Variants in ZFAT observed in about 807,000 individuals in gnomAD.
ZFAT encodes the protein zinc finger and AT-hook domain containing.
A neutral mutation model predicts 117.7 loss-of-function variants in ZFAT; 64 were observed. That is an observed-to-expected ratio of 0.54 (90% CI 0.44 to 0.67). The LOEUF is 0.67. Among genes scored for constraint, ZFAT ranks in the 30% least tolerant of loss-of-function variants. The pLI is 0.00. For synonymous variants in ZFAT, 679 were observed against 615.0 expected, an observed-to-expected ratio of 1.10 and a Z score of -1.54; for missense variants, 1,433 against 1,584.5, an observed-to-expected ratio of 0.90 and a Z score of 1.62.
At chr8:134,607,041 A>G (rs539941232) in intron 5 of ZFAT, among the ~76,000 whole-genome samples, 3 of 152,324 alleles carry the variant, frequency 2.0e-5, no homozygotes, top group Non-Finnish European at 2.9e-5. Context: ...GTTATCTTAT[A>G]ATTTGCACAA....
At chr8:134,571,506 C>A (rs1824899306) in intron 10 of ZFAT, among the ~76,000 whole-genome samples, 1 of 152,208 alleles carries the variant, frequency 6.6e-6, no homozygotes. Context: ...TCAGCTGCAA[C>A]CAAGAGTCCA....
chr8:134,652,834 A>G (rs949449030), intron 2 of ZFAT, among the ~76,000 whole-genome samples: 22 of 152,236 alleles, frequency 1.4e-4, no homozygotes, highest in Non-Finnish European at 2.2e-4. Flanking sequence ...ATATAAATGG[A>G]TAAAACCTTT....
At chr8:134,543,887 C>G (rs182358763) in intron 11 of ZFAT, among the ~76,000 whole-genome samples, 25 of 152,244 alleles carry the variant, frequency 1.6e-4, no homozygotes, top group Non-Finnish European at 3.4e-4. Flanking sequence ...TAAAACAATG[C>G]CCCCTCTTAT....
At chr8:134,740,554 GT>G in the ZFAT span, among the ~76,000 whole-genome samples, 21 of 151,422 alleles carry the variant, frequency 1.4e-4, no homozygotes, top group Admixed American at 1.1e-3. Flanking sequence ...TCTTACGCAT[GT>G]TTTTTTTTCT....
intron 15 of ZFAT, among the ~76,000 whole-genome samples, chr8:134,479,016 T>G (rs1254470635): frequency 2.0e-5 from 3 of 152,114 alleles, no homozygotes; most frequent in Non-Finnish European, 4.4e-5. Context: ...TCCCGGGGCT[T>G]CCAGGAGGTG....
chr8:134,644,039 C>T (rs891007968), intron 2 of ZFAT, among the ~76,000 whole-genome samples: 1 of 152,206 alleles, frequency 6.6e-6, no homozygotes, highest in Non-Finnish European at 1.5e-5. Flanking sequence ...CCTGGGAAGC[C>T]TCCTTTTACC....
At chr8:134,790,174 C>T in the ZFAT span, among the ~76,000 whole-genome samples, 1 of 152,162 alleles carries the variant, frequency 6.6e-6, no homozygotes, top group African/African-American at 2.4e-5. Flanking sequence ...GTAACACATA[C>T]CACCATTGCA....
chr8:134,581,431 A>C (rs945911661), intron 10 of ZFAT, among the ~76,000 whole-genome samples: 1 of 152,166 alleles, frequency 6.6e-6, no homozygotes, highest in Non-Finnish European at 1.5e-5. Flanking sequence ...CAGAGAATTG[A>C]GGCTGAAAGA....
intron 11 of ZFAT, among the ~76,000 whole-genome samples, chr8:134,550,830 G>T (rs547951172): frequency 6.6e-6 from 1 of 152,010 alleles, no homozygotes; most frequent in Non-Finnish European, 1.5e-5. Flanking sequence ...GCCCTGCCAT[G>T]CATCCCGCTC....
the ZFAT span, among the ~76,000 whole-genome samples, chr8:134,812,930 T>C: frequency 6.6e-6 from 1 of 152,210 alleles, no homozygotes; most frequent in Non-Finnish European, 1.5e-5. Context: ...CAGAAAGCAA[T>C]GTACCCAGAG....
At position 134,649,165 on chromosome 8, in the gene ZFAT, TCACACA is replaced by T. The variant is rs752848073; in HGVS notation, c.196+8390_196+8395del. Among the ~76,000 whole-genome samples the T allele has an allele frequency of 8.6e-3, 665 of 77,046 alleles. 6 individuals are homozygous for T. The highest frequency in any genetic ancestry group is 0.023 in the African/African-American group (583 of 24,998). The allele number at this position is 77,046 out of a possible 152,430, so 50.5% of individuals were successfully genotyped here. A position where few individuals can be genotyped will look rare whatever the true frequency, so the allele number is the denominator to read the frequency against. On this transcript the variant is annotated intron_variant, in intron 2 of 15. Transcript: ENST00000377838. ...TAACCTAATGAAGAACATCTATCTC[TCACACA>T]CACACACACACACACACACACACAC...
At chr8:134,517,294 T>C (rs966359190) in intron 13 of ZFAT, among the ~76,000 whole-genome samples, 1 of 152,182 alleles carries the variant, frequency 6.6e-6, no homozygotes, top group African/African-American at 2.4e-5. Flanking sequence ...TTTTACAATA[T>C]TTTATATATA....
At chr8:134,807,869 CTT>C in the ZFAT span, among the ~76,000 whole-genome samples, 6 of 152,144 alleles carry the variant, frequency 3.9e-5, no homozygotes, top group East Asian at 1.2e-3. Context: ...AATTAATAAA[CTT>C]AATCTACTTG....
intron 15 of ZFAT, among the ~76,000 whole-genome samples, chr8:134,479,762 A>T (rs1817160873): frequency 6.6e-6 from 1 of 152,100 alleles, no homozygotes; most frequent in Non-Finnish European, 1.5e-5. Flanking sequence ...TTGAGCATCA[A>T]TTCCACCATT....
intron 11 of ZFAT, among the ~76,000 whole-genome samples, chr8:134,553,958 T>A (rs1025729056): frequency 6.6e-6 from 1 of 152,208 alleles, no homozygotes; most frequent in Non-Finnish European, 1.5e-5. Flanking sequence ...CCATCAAACC[T>A]GCACACTGTT....
chr8:134,787,506 T>C, the ZFAT span, among the ~76,000 whole-genome samples: 4 of 152,242 alleles, frequency 2.6e-5, no homozygotes. Context: ...TATTTTGTTC[T>C]AGTCTACTTT....
chr8:134,481,065 C>A (rs2130008482), intron 15 of ZFAT, among the ~76,000 whole-genome samples: 1 of 152,258 alleles, frequency 6.6e-6, no homozygotes, highest in Non-Finnish European at 1.5e-5. Context: ...TACATTTAGA[C>A]TGATTTGTTT....
At chr8:134,776,425 C>A in the ZFAT span, among the ~76,000 whole-genome samples, 34 of 152,306 alleles carry the variant, frequency 2.2e-4, no homozygotes, top group Admixed American at 2.2e-3. Flanking sequence ...CACCTCAGCT[C>A]CCCAGTAGCT....
At chr8:134,697,453 C>T (rs1833895797) in intron 1 of ZFAT, among the ~76,000 whole-genome samples, 3 of 147,420 alleles carry the variant, frequency 2.0e-5, no homozygotes, top group Non-Finnish European at 1.5e-5. Context: ...ACCAGCCTGG[C>T]GCGGTGGCTC....
Sources: gnomAD v4.1 joint callset for allele counts (sites outside exome capture counted in the v4.1 genomes callset) on GRCh38, gnomAD v4.1.1 for gene constraint, MANE v1.5 for transcripts, NCBI Gene and HGNC (gene_info 2026-07-23, HGNC 2026-07-21) for gene names.